Variants in OVCH1 observed in about 807,000 individuals in gnomAD.
OVCH1 encodes ovochymase 1.
OVCH1 carries 139 observed loss-of-function variants against 138.4 expected under a neutral mutation model. The observed-to-expected ratio is 1.00, with a 90% CI of 0.87 to 1.16. The LOEUF is 1.16. Ranked by LOEUF, OVCH1 falls within the 50% of genes most tolerant of loss-of-function variation. The pLI is 0.00. For missense variants in OVCH1, 1,367 were observed against 1,357.9 expected, an observed-to-expected ratio of 1.01 and a Z score of -0.11; for synonymous variants, 453 against 467.8, an observed-to-expected ratio of 0.97 and a Z score of 0.41.
At chr12:29,476,492 C>G (rs1942720551) in intron 12 of OVCH1, among the ~76,000 whole-genome samples, 193 bp from the exon 13 acceptor site, 1 of 152,242 alleles carries the variant, frequency 6.6e-6, no homozygotes, top group Admixed American at 6.5e-5. Flanking sequence ...AACCCTTTGA[C>G]CCAGCGAATC....
At chr12:29,411,619 T>G (rs574844348), downstream of OVCH1, among the ~76,000 whole-genome samples, 22 of 152,088 alleles carry the variant, frequency 1.4e-4, no homozygotes, top group African/African-American at 2.7e-4. Context: ...AGAACAGCGG[T>G]TTTTCGTGAA....
downstream of OVCH1, among the ~76,000 whole-genome samples, chr12:29,412,115 G>A (rs2135869536): frequency 6.6e-6 from 1 of 152,284 alleles, no homozygotes; most frequent in African/African-American, 2.4e-5. Context: ...TGAGCCAGGT[G>A]CGGGATATAA....
At chr12:29,490,340 A>G (rs1243949118) in intron 5 of OVCH1, among the ~76,000 whole-genome samples, 1 of 152,122 alleles carries the variant, frequency 6.6e-6, no homozygotes, top group Non-Finnish European at 1.5e-5. Flanking sequence ...TTGGCCTCCC[A>G]AAGTGCTAAG....
intron 26 of OVCH1, chr12:29,433,877 CAA>C (rs148996239): frequency 3.8e-5 from 43 of 1,129,172 alleles, no homozygotes; most frequent in South Asian, 2.3e-4. Flanking sequence ...TTAACATGTC[CAA>C]AAAAAAAAGA....
intron 15 of OVCH1, 56 bp from the exon 16 acceptor site, chr12:29,472,038 C>T: frequency 6.8e-7 from 1 of 1,472,930 alleles, no homozygotes. Flanking sequence ...AGAACATACT[C>T]CTCCAATAGC....
At chr12:29,453,378 A>G (rs1276561945) in intron 21 of OVCH1, among the ~76,000 whole-genome samples, 1 of 152,070 alleles carries the variant, frequency 6.6e-6, no homozygotes, top group Non-Finnish European at 1.5e-5. Flanking sequence ...TTCAATCACT[A>G]TATACATGAT....
chr12:29,489,294 G>A (rs1943208950), intron 6 of OVCH1, among the ~76,000 whole-genome samples: 1 of 152,178 alleles, frequency 6.6e-6, no homozygotes, highest in Non-Finnish European at 1.5e-5. Flanking sequence ...AACAATATGT[G>A]AAATGAAGAA....
Position 29,450,388 on chromosome 12 carries a change from T to G in OVCH1, c.2755+957A>C, listed in dbSNP as rs148360260. On this transcript the variant is annotated intron_variant, in intron 22 of 27. Coordinates refer to ENST00000318184, the Ensembl canonical transcript of OVCH1. The stretch of plus-strand genomic sequence containing the variant: ...ACAGACATTTCTCAAAAGAAGACAT[T>G]TATGTGGCCAACAAACATTTGAAAA... Among the ~76,000 whole-genome samples the G allele has an allele frequency of 8.5e-5, 13 of 152,208 alleles. No homozygotes were observed. In the East Asian group the frequency reaches 2.5e-3, roughly 29 times the overall value.
At chr12:29,402,588 G>A in the OVCH1 span, among the ~76,000 whole-genome samples, 2 of 151,722 alleles carry the variant, frequency 1.3e-5, no homozygotes, top group South Asian at 2.1e-4. Flanking sequence ...TGAGAAAGAA[G>A]GATTGAGAGA....
downstream of OVCH1, among the ~76,000 whole-genome samples, chr12:29,411,828 C>T (rs1940962032): frequency 6.6e-6 from 1 of 151,616 alleles, no homozygotes; most frequent in African/African-American, 2.4e-5. Flanking sequence ...CCACTGCTCT[C>T]TTCAAAGCTG....
chr12:29,442,191 T>C (rs1349723801), intron 25 of OVCH1, among the ~76,000 whole-genome samples: 1 of 152,050 alleles, frequency 6.6e-6, no homozygotes, highest in Admixed American at 6.6e-5. Flanking sequence ...ATTGCGGCAC[T>C]ATTCACAATA....
At chr12:29,480,579 T>C (rs555185142) in intron 8 of OVCH1, among the ~76,000 whole-genome samples, 87 of 152,190 alleles carry the variant, frequency 5.7e-4, no homozygotes, top group Non-Finnish European at 1.0e-3. Context: ...TAACCATTGA[T>C]CTATTAATTC....
At chr12:29,471,641 C>T (rs1418460973) in intron 16 of OVCH1, among the ~76,000 whole-genome samples, 161 bp downstream of exon 16, 1 of 152,182 alleles carries the variant, frequency 6.6e-6, no homozygotes, top group Non-Finnish European at 1.5e-5. Context: ...CCTTCACTGA[C>T]ATTGTTTAAA....
chr12:29,471,904 C>G (rs760075281), exon 16 of OVCH1: 2 of 1,613,516 alleles, frequency 1.2e-6, no homozygotes, highest in South Asian at 1.1e-5. Context: ...CCATGGCCAA[C>G]AGTGGGGGCA....
chr12:29,454,978 G>T, intron 20 of OVCH1, 45 bp from the exon 21 acceptor site: 1 of 1,494,740 alleles, frequency 6.7e-7, no homozygotes, highest in Non-Finnish European at 9.2e-7. Flanking sequence ...GAAAGCCTGA[G>T]AACAAAATAT....
At chr12:29,429,950 A>AC (rs2135898581) in intron 27 of OVCH1, among the ~76,000 whole-genome samples, 1 of 152,268 alleles carries the variant, frequency 6.6e-6, no homozygotes, top group East Asian at 1.9e-4. Flanking sequence ...GGAAAAACGG[A>AC]CCCCCACTTC....
intron 22 of OVCH1, 115 bp downstream of exon 22, chr12:29,451,230 T>C: frequency 1.4e-6 from 1 of 694,554 alleles, no homozygotes; most frequent in Admixed American, 2.9e-5. Flanking sequence ...AGCATTCCTA[T>C]TACATGGATC....
At chr12:29,455,149 A>G (rs371623096) in intron 20 of OVCH1, 100 bp downstream of exon 20, 4 of 1,381,988 alleles carry the variant, frequency 2.9e-6, no homozygotes, top group Non-Finnish European at 3.9e-6. Flanking sequence ...ATTCTACTCT[A>G]TGGTTTTCTC....
chr12:29,484,701 T>A lies in OVCH1; in HGVS notation c.995+1545A>T, dbSNP rs1214619139. Among the ~76,000 whole-genome samples the A allele has an allele frequency of 6.6e-6, 1 of 152,158 alleles. No homozygotes were observed. The highest frequency in any genetic ancestry group is 2.4e-5 in the African/African-American group (1 of 41,408). On this transcript the variant is annotated intron_variant, in intron 8 of 27. Coordinates refer to ENST00000318184, the Ensembl canonical transcript of OVCH1. ...AAAAGCCCCAGAAATCATTCCTATGTAGTATACATACCAATTATGAGAATA... is the reference window on the plus strand; with the variant it reads ...AAAAGCCCCAGAAATCATTCCTATGAAGTATACATACCAATTATGAGAATA...
Sources: allele counts gnomAD v4.1 joint callset (sites outside exome capture counted in the v4.1 genomes callset), GRCh38; gene constraint gnomAD v4.1.1; transcripts MANE v1.5; gene names NCBI Gene and HGNC (gene_info 2026-07-23, HGNC 2026-07-21).